The following SAMD12 variants were observed in gnomAD, a reference collection of about 807,000 sequenced individuals.
SAMD12 encodes the protein sterile alpha motif domain-containing protein 12.
SAMD12 carries 9 observed loss-of-function variants against 15.0 expected under a neutral mutation model. That is an observed-to-expected ratio of 0.60 (90% CI 0.36 to 1.05). SAMD12 has a LOEUF of 1.05. Ranked by LOEUF, SAMD12 falls within the 50% of genes least tolerant of loss-of-function variation. The pLI is 0.01. For synonymous variants in SAMD12, 86 were observed against 90.1 expected (o/e 0.96, Z 0.25); for missense variants, 230 against 234.2 (o/e 0.98, Z 0.12).
At chr8:118,192,349 C>A (rs982759540) in exon 5 of SAMD12, 1 of 152,104 alleles carries the variant, frequency 6.6e-6, no homozygotes, top group Non-Finnish European at 1.5e-5. Context: ...TGAAACCAAC[C>A]ATTTATTTCT....
At chr8:118,587,780 G>C (rs1290116006) in intron 1 of SAMD12, among the ~76,000 whole-genome samples, 1 of 152,224 alleles carries the variant, frequency 6.6e-6, no homozygotes, top group Non-Finnish European at 1.5e-5. Context: ...CTCTGGACTT[G>C]AGAGTCTGTG....
intron 1 of SAMD12, among the ~76,000 whole-genome samples, chr8:118,595,580 A>T (rs1563603477): frequency 6.6e-6 from 1 of 152,198 alleles, no homozygotes. Flanking sequence ...CAATCCAAGC[A>T]TTTGCCTCCT....
chr8:118,368,087 C>T (rs984921999), intron 4 of SAMD12, among the ~76,000 whole-genome samples: 1 of 152,160 alleles, frequency 6.6e-6, no homozygotes, highest in African/African-American at 2.4e-5. Context: ...ATATAAAGCT[C>T]ATTCCAAGGA....
At chr8:118,532,913 A>G (rs1825730955) in intron 2 of SAMD12, among the ~76,000 whole-genome samples, 1 of 151,854 alleles carries the variant, frequency 6.6e-6, no homozygotes, top group African/African-American at 2.4e-5. Context: ...TAATTTTTTG[A>G]AGGGTTTTTT....
At chr8:118,402,147 C>T (rs1050408743) in intron 3 of SAMD12, among the ~76,000 whole-genome samples, 22 of 152,120 alleles carry the variant, frequency 1.4e-4, no homozygotes, top group African/African-American at 5.3e-4. Flanking sequence ...AAAAAAATCA[C>T]ACACCACAAA....
chr8:118,380,920 T>C (rs1394333180), intron 3 of SAMD12, among the ~76,000 whole-genome samples: 1 of 152,220 alleles, frequency 6.6e-6, no homozygotes, highest in Admixed American at 6.5e-5. Flanking sequence ...TTACTTCCAG[T>C]TTATTCTGCA....
At chr8:118,231,327 T>A (rs1787810630) in intron 4 of SAMD12, among the ~76,000 whole-genome samples, 1 of 152,186 alleles carries the variant, frequency 6.6e-6, no homozygotes, top group Non-Finnish European at 1.5e-5. Flanking sequence ...AAGGGGGAAC[T>A]GACAGATCAC....
chr8:118,307,146 C>G (rs1051372013), intron 4 of SAMD12, among the ~76,000 whole-genome samples: 1 of 152,222 alleles, frequency 6.6e-6, no homozygotes, highest in Non-Finnish European at 1.5e-5. Context: ...GTGTCCTAGT[C>G]TGCTAGCCCC....
chr8:118,591,381 A>C (rs1387698173), intron 1 of SAMD12, among the ~76,000 whole-genome samples: 1 of 152,208 alleles, frequency 6.6e-6, no homozygotes, highest in African/African-American at 2.4e-5. Flanking sequence ...TTTCTGTAAA[A>C]TGGCAATACT....
intron 4 of SAMD12, among the ~76,000 whole-genome samples, chr8:118,219,878 C>A (rs1470519350): frequency 6.6e-6 from 1 of 152,220 alleles, no homozygotes; most frequent in Non-Finnish European, 1.5e-5. Flanking sequence ...TCTGCCCCAA[C>A]GTGCAACTCT....
At chr8:118,615,780 A>G (rs886750393) in intron 1 of SAMD12, among the ~76,000 whole-genome samples, 1 of 152,218 alleles carries the variant, frequency 6.6e-6, no homozygotes, top group Non-Finnish European at 1.5e-5. Context: ...GAAAACAGCA[A>G]GGCAGATGAG....
intron 4 of SAMD12, among the ~76,000 whole-genome samples, chr8:118,353,659 A>T (rs956186326): frequency 3.3e-5 from 5 of 152,040 alleles, no homozygotes; most frequent in African/African-American, 1.2e-4. Flanking sequence ...AGACATTATT[A>T]TTTTTTTAAA....
chr8:118,197,772 C>CT (rs1563690638), intron 4 of SAMD12: 5 of 1,589,980 alleles, frequency 3.1e-6, no homozygotes, highest in Non-Finnish European at 3.5e-6. Context: ...AAGTTCTTTC[C>CT]TTTATGTTTC....
rs544761660 is a variant in SAMD12 at position 118,520,718 on chromosome 8, C to T, written c.192+59997G>A. The stretch of plus-strand genomic sequence containing the variant: ...TCAATAAGATGTCTACAGACAATCA[C>T]TTACATTTTTGCTTTATCCAAATAT... On this transcript the variant is annotated intron_variant, in intron 2 of 3. Coordinates refer to ENST00000314727, the MANE Select transcript of SAMD12 (RefSeq NM_207506.3). 1.1e-3 allele frequency among the ~76,000 whole-genome samples: 162 copies of T among 152,304 alleles called. 1 individual carries two copies. Among genetic ancestry groups the T allele is most frequent in the Admixed American group, 1.4e-3 (22 of 15,302 alleles).
At chr8:118,354,821 C>T (rs1376850989) in intron 4 of SAMD12, among the ~76,000 whole-genome samples, 1 of 152,208 alleles carries the variant, frequency 6.6e-6, no homozygotes, top group Non-Finnish European at 1.5e-5. Flanking sequence ...ATCACATTTG[C>T]AGAGTCCAGA....
intron 1 of SAMD12, among the ~76,000 whole-genome samples, chr8:118,585,487 C>T (rs1379610107): frequency 6.6e-6 from 1 of 152,148 alleles, no homozygotes; most frequent in African/African-American, 2.4e-5. Context: ...AACTTAAAAA[C>T]CCCACTCCCT....
intron 4 of SAMD12, among the ~76,000 whole-genome samples, chr8:118,368,889 G>A (rs12675253): frequency 0.22 from 33,968 of 152,098 alleles, 3,958 homozygotes; most frequent in South Asian, 0.27. Flanking sequence ...TTCCCTTTCT[G>A]CCACCCTTTG....
intron 2 of SAMD12, among the ~76,000 whole-genome samples, chr8:118,447,306 T>C (rs529714476): frequency 1.8e-4 from 28 of 152,130 alleles, no homozygotes; most frequent in Admixed American, 1.5e-3. Context: ...GAAATCTTTT[T>C]TTTTTTTCTT....
chr8:118,245,076 C>CA (rs1453043215), intron 4 of SAMD12, among the ~76,000 whole-genome samples: 1 of 152,112 alleles, frequency 6.6e-6, no homozygotes, highest in Non-Finnish European at 1.5e-5. Context: ...TTTGAATCCA[C>CA]AGCAATCCTG....
Sources: gnomAD v4.1 joint callset for allele counts (sites outside exome capture counted in the v4.1 genomes callset) on GRCh38, gnomAD v4.1.1 for gene constraint, MANE v1.5 for transcripts, NCBI Gene and HGNC (gene_info 2026-07-23, HGNC 2026-07-21) for gene names.